PTPRD: variants seen among roughly 807,000 people sequenced by gnomAD.
The protein encoded by PTPRD is protein tyrosine phosphatase receptor type D.
PTPRD carries 34 observed loss-of-function variants against 214.5 expected under a neutral mutation model. The ratio of observed to expected loss-of-function variants is 0.16; its 90% CI spans 0.12 to 0.21. The LOEUF is 0.21. Ranked by LOEUF, PTPRD falls within the 10% of genes least tolerant of loss-of-function variation. The probability of loss-of-function intolerance (pLI) is 1.00; values close to 1 mark genes in which losing one functional copy is unlikely to be tolerated. For missense variants in PTPRD, 2,545 were observed against 2,398.7 expected (o/e 1.06, Z -1.27); for synonymous variants, 1,128 against 845.7 (o/e 1.33, Z -5.79).
At position 9,757,841 on chromosome 9, in the gene PTPRD, T is replaced by C. The variant is rs185976127; in HGVS notation, c.-326+8969A>G. ...ATCTTACTCATCATAACTAAGAATT[T>C]TGACTCTGCTAATTTTTACCAGCCT... On this transcript the variant is annotated intron_variant, in intron 6 of 45. Coordinates refer to ENST00000381196, the MANE Select transcript of PTPRD (RefSeq NM_002839.4). Among the ~76,000 whole-genome samples the C allele has an allele frequency of 7.9e-5, 12 of 152,254 alleles. No individual in the cohort carries two copies. In the East Asian group the frequency reaches 2.1e-3, roughly 27 times the overall value.
At chr9:9,027,621 T>A (rs2099591560) in intron 10 of PTPRD, among the ~76,000 whole-genome samples, 1 of 151,906 alleles carries the variant, frequency 6.6e-6, no homozygotes, top group Non-Finnish European at 1.5e-5. Flanking sequence ...TCAGGACCTA[T>A]CTATCAAGAG....
At chr9:9,062,676 G>A (rs1196575580) in intron 10 of PTPRD, among the ~76,000 whole-genome samples, 1 of 151,874 alleles carries the variant, frequency 6.6e-6, no homozygotes, top group Non-Finnish European at 1.5e-5. Context: ...TGTTTCAGTG[G>A]GTAAATAATT....
At chr9:10,259,046 G>A (rs1023475949) in intron 3 of PTPRD, among the ~76,000 whole-genome samples, 5 of 151,520 alleles carry the variant, frequency 3.3e-5, no homozygotes, top group Middle Eastern at 3.4e-3. Context: ...TTTTTGAGAC[G>A]GAGTCTCACT....
At chr9:10,542,771 T>G (rs1330602116) in intron 2 of PTPRD, among the ~76,000 whole-genome samples, 6 of 152,076 alleles carry the variant, frequency 3.9e-5, no homozygotes, top group Non-Finnish European at 5.9e-5. Context: ...CAGGCTGGAG[T>G]GCAATGGTGT....
chr9:9,810,393 G>C (rs773551471), intron 5 of PTPRD, among the ~76,000 whole-genome samples: 1 of 151,954 alleles, frequency 6.6e-6, no homozygotes, highest in Non-Finnish European at 1.5e-5. Flanking sequence ...TCAAAGGACT[G>C]GTTTACTCTC....
chr9:10,129,760 C>T (rs2098845745), intron 3 of PTPRD, among the ~76,000 whole-genome samples: 1 of 151,820 alleles, frequency 6.6e-6, no homozygotes, highest in Admixed American at 6.6e-5. Context: ...TGTGTCTTTC[C>T]ACCTAAATAT....
At chr9:8,429,965 G>A (rs1255810109) in intron 35 of PTPRD, among the ~76,000 whole-genome samples, 2 of 152,196 alleles carry the variant, frequency 1.3e-5, no homozygotes, top group African/African-American at 2.4e-5. Flanking sequence ...TCTGATGACT[G>A]TTCATCTCTG....
At chr9:8,679,051 A>T (rs2097496887) in intron 12 of PTPRD, among the ~76,000 whole-genome samples, 1 of 152,322 alleles carries the variant, frequency 6.6e-6, no homozygotes, top group Non-Finnish European at 1.5e-5. Context: ...TTCGAAGTAC[A>T]TAGAGGGTTG....
At chr9:8,941,062 C>A (rs1159823884) in intron 11 of PTPRD, among the ~76,000 whole-genome samples, 1 of 152,208 alleles carries the variant, frequency 6.6e-6, no homozygotes, top group East Asian at 1.9e-4. Flanking sequence ...TCCTGATAAA[C>A]CCATCTCAAG....
chr9:8,449,419 T>C (rs1297370046), intron 34 of PTPRD, among the ~76,000 whole-genome samples: 6 of 152,172 alleles, frequency 3.9e-5, no homozygotes, highest in Admixed American at 2.6e-4. Flanking sequence ...AGTGGTGTCA[T>C]TGGAAATAAT....
intron 3 of PTPRD, among the ~76,000 whole-genome samples, chr9:10,191,234 T>C (rs1039600855): frequency 6.6e-6 from 1 of 152,066 alleles, no homozygotes; most frequent in Non-Finnish European, 1.5e-5. Flanking sequence ...TAAAATATAA[T>C]TTTTACCTCT....
Position 8,421,370 on chromosome 9 carries a change from T to TTC in PTPRD, c.4086+15220_4086+15221dup, listed in dbSNP as rs1554921173. Reference sequence around the variant, plus strand: ...CTTTCTTCTTCTCTCTTCTCTTCTCTTCTCTCTCTCTCTCTCTTTCTTTCT... The same window carrying TTC: ...CTTTCTTCTTCTCTCTTCTCTTCTCTTCTCTCTCTCTCTCTCTCTTTCTTTCT... On this transcript the variant is annotated intron_variant, in intron 35 of 45. Coordinates refer to ENST00000381196, the MANE Select transcript of PTPRD (RefSeq NM_002839.4). Among the ~76,000 whole-genome samples, 469 of 146,708 alleles carry TTC rather than the reference T, an allele frequency of 3.2e-3. 2 individuals carry two copies. The highest frequency in any genetic ancestry group is 7.7e-3 in the African/African-American group (289 of 37,644).
intron 3 of PTPRD, among the ~76,000 whole-genome samples, chr9:10,336,377 G>A (rs1055884371): frequency 8.6e-5 from 13 of 151,540 alleles, no homozygotes; most frequent in Admixed American, 7.3e-4. Context: ...AGTGACTACC[G>A]GAAGGAAACG....
At chr9:9,058,894 G>C (rs1238239667) in intron 10 of PTPRD, among the ~76,000 whole-genome samples, 4 of 152,172 alleles carry the variant, frequency 2.6e-5, no homozygotes, top group African/African-American at 9.6e-5. Flanking sequence ...CAAAGGAACA[G>C]ATAATGAGGA....
At chr9:8,487,712 A>T (rs562744036) in intron 27 of PTPRD, among the ~76,000 whole-genome samples, 1 of 152,306 alleles carries the variant, frequency 6.6e-6, no homozygotes, top group East Asian at 1.9e-4. Flanking sequence ...CGGGAGGCTG[A>T]GGCAGGAGCA....
At chr9:10,149,617 G>A (rs767463123) in intron 3 of PTPRD, among the ~76,000 whole-genome samples, 2 of 152,194 alleles carry the variant, frequency 1.3e-5, no homozygotes, top group Non-Finnish European at 1.5e-5. Flanking sequence ...ATTCATTATA[G>A]ACCCAGGCCA....
At chr9:9,664,235 G>C (rs2096673406) in intron 7 of PTPRD, among the ~76,000 whole-genome samples, 1 of 151,260 alleles carries the variant, frequency 6.6e-6, no homozygotes, top group Non-Finnish European at 1.5e-5. Flanking sequence ...TATTTATATA[G>C]TGATTATTGA....
At chr9:9,791,542 T>G (rs2098967357) in intron 5 of PTPRD, among the ~76,000 whole-genome samples, 2 of 152,282 alleles carry the variant, frequency 1.3e-5, no homozygotes, top group Admixed American at 6.5e-5. Context: ...ATGATAAGTT[T>G]CTCTATCAAG....
intron 3 of PTPRD, among the ~76,000 whole-genome samples, chr9:10,080,962 A>T (rs570264704): frequency 7.9e-4 from 120 of 152,220 alleles, no homozygotes; most frequent in African/African-American, 2.7e-3. Context: ...TCTCAGGAAC[A>T]ATTATCTCTT....
Sources: allele counts gnomAD v4.1 joint callset (sites outside exome capture counted in the v4.1 genomes callset), GRCh38; gene constraint gnomAD v4.1.1; transcripts MANE v1.5; gene names NCBI Gene and HGNC (gene_info 2026-07-23, HGNC 2026-07-21).